Variants in DOCK1 observed in about 807,000 individuals in gnomAD.
DOCK1 encodes dedicator of cytokinesis protein 1.
In DOCK1, 138 loss-of-function variants were observed where a neutral mutation model predicts 262.7. The ratio of observed to expected loss-of-function variants is 0.53; its 90% CI spans 0.46 to 0.61. The LOEUF is 0.61. DOCK1 is among the 20% of genes least tolerant of loss of function. The pLI is 0.00. For synonymous variants in DOCK1, 866 were observed against 867.4 expected (o/e 1.00, Z 0.03); for missense variants, 1,908 against 2,370.7 (o/e 0.80, Z 4.05).
At chr10:127,002,997 C>T (rs1437397402) in intron 10 of DOCK1, among the ~76,000 whole-genome samples, 3 of 152,278 alleles carry the variant, frequency 2.0e-5, no homozygotes, top group African/African-American at 7.2e-5. Context: ...TGTCCCCCCT[C>T]ACTTAGGGGT....
intron 27 of DOCK1, among the ~76,000 whole-genome samples, chr10:127,247,659 TAGAG>T (rs2134779508): frequency 6.6e-6 from 1 of 152,338 alleles, no homozygotes; most frequent in African/African-American, 2.4e-5. Context: ...TATTAATAGT[TAGAG>T]AGAATAAAAT....
chr10:127,427,332 T>G (rs948974916), intron 47 of DOCK1, among the ~76,000 whole-genome samples: 1 of 152,204 alleles, frequency 6.6e-6, no homozygotes, highest in Non-Finnish European at 1.5e-5. Context: ...TTTGGTTTTT[T>G]TCTGGGCCCA....
At position 127,265,091 on chromosome 10, in the gene DOCK1, G is replaced by A. The variant is rs148957060; in HGVS notation, c.3044+7662G>A. Among the ~76,000 whole-genome samples, 12 of 152,306 alleles carry A rather than the reference G, an allele frequency of 7.9e-5. No homozygotes were observed. In the East Asian group the frequency reaches 9.7e-4, roughly 12 times the overall value. ...GATTATTCTCTCAGTTAGGAAATGCGTAAGATGTTACCAGTCAGCATGTTG... is the reference window on the plus strand; with the variant it reads ...GATTATTCTCTCAGTTAGGAAATGCATAAGATGTTACCAGTCAGCATGTTG... On this transcript the variant is annotated intron_variant, in intron 29 of 51. Transcript: ENST00000623213.
intron 21 of DOCK1, among the ~76,000 whole-genome samples, chr10:127,048,831 T>C (rs532391316): frequency 2.0e-5 from 3 of 152,182 alleles, no homozygotes; most frequent in East Asian, 1.9e-4. Flanking sequence ...ATAAAACCTC[T>C]TGGCAAACTA....
At chr10:127,427,604 A>G (rs2068904744) in intron 47 of DOCK1, among the ~76,000 whole-genome samples, 1 of 152,158 alleles carries the variant, frequency 6.6e-6, no homozygotes, top group African/African-American at 2.4e-5. Context: ...TGGCAGACCC[A>G]TGGTTCAAGC....
chr10:127,247,910 TC>T (rs145727249), intron 27 of DOCK1, 97 bp from the exon 28 acceptor site: 42,289 of 1,191,094 alleles, frequency 0.036, 951 homozygotes, highest in Non-Finnish European at 0.04. Flanking sequence ...CCGTTGCTTC[TC>T]CCTGACAGTT....
At chr10:127,444,068 A>C (rs978678425) in intron 49 of DOCK1, 58 bp from the exon 50 acceptor site, 2 of 1,543,562 alleles carry the variant, frequency 1.3e-6, no homozygotes, top group East Asian at 2.5e-5. Flanking sequence ...ATTTAGGTGG[A>C]AACGCAACTC....
At chr10:127,359,897 C>T (rs984469210) in intron 32 of DOCK1, among the ~76,000 whole-genome samples, 18 of 152,210 alleles carry the variant, frequency 1.2e-4, no homozygotes, top group African/African-American at 4.1e-4. Flanking sequence ...TTGGTTAATT[C>T]GGGATACATT....
At chr10:127,257,731 G>T (rs41315016) in intron 29 of DOCK1, 445 of 240,632 alleles carry the variant, frequency 1.8e-3, no homozygotes, top group Non-Finnish European at 3.1e-3. Flanking sequence ...ACGTCGCTCT[G>T]CGCTCTCATG....
intron 29 of DOCK1, among the ~76,000 whole-genome samples, chr10:127,289,586 G>A (rs1370638476): frequency 1.3e-5 from 2 of 152,120 alleles, no homozygotes; most frequent in East Asian, 1.9e-4. Flanking sequence ...AGAAATAAAC[G>A]AGCCTGCTTA....
At chr10:126,997,047 A>G (rs1591580940) in intron 7 of DOCK1, among the ~76,000 whole-genome samples, 164 bp downstream of exon 7, 1 of 152,144 alleles carries the variant, frequency 6.6e-6, no homozygotes, top group Non-Finnish European at 1.5e-5. Context: ...GCCTGGTGGC[A>G]CAGGATGTCA....
intron 47 of DOCK1, among the ~76,000 whole-genome samples, chr10:127,428,968 G>A (rs1476788674): frequency 7.4e-6 from 1 of 135,864 alleles, no homozygotes; most frequent in African/African-American, 2.8e-5. Context: ...TGTGGATTCG[G>A]GTACCATGTG....
At chr10:127,005,333 GA>G (rs150192399) in intron 10 of DOCK1, among the ~76,000 whole-genome samples, 26 of 144,942 alleles carry the variant, frequency 1.8e-4, no homozygotes, top group Admixed American at 1.2e-3. Flanking sequence ...CACTCAAAAA[GA>G]AAAAAAAAAG....
At chr10:127,203,742 C>T (rs2057581764) in intron 27 of DOCK1, among the ~76,000 whole-genome samples, 1 of 151,666 alleles carries the variant, frequency 6.6e-6, no homozygotes, top group African/African-American at 2.4e-5. Context: ...TCCCCGTGTC[C>T]AATTCACCTA....
At chr10:127,095,987 G>T (rs2047887967) in intron 23 of DOCK1, among the ~76,000 whole-genome samples, 1 of 152,184 alleles carries the variant, frequency 6.6e-6, no homozygotes, top group Non-Finnish European at 1.5e-5. Flanking sequence ...CGAAGCATTG[G>T]TGGTAGAGAT....
intron 27 of DOCK1, among the ~76,000 whole-genome samples, chr10:127,222,737 C>G (rs1371052314): frequency 6.6e-6 from 1 of 151,644 alleles, no homozygotes; most frequent in Non-Finnish European, 1.5e-5. Context: ...ATGATCGTGG[C>G]TCACTGCGGC....
intron 32 of DOCK1, among the ~76,000 whole-genome samples, chr10:127,361,281 T>C (rs1330947432): frequency 6.7e-6 from 1 of 149,508 alleles, no homozygotes; most frequent in African/African-American, 2.6e-5. Context: ...GCCCAGCTGA[T>C]TTTTTTGTAT....
intron 23 of DOCK1, among the ~76,000 whole-genome samples, chr10:127,072,683 C>T (rs996922398): frequency 2.0e-5 from 3 of 152,148 alleles, no homozygotes; most frequent in African/African-American, 7.2e-5. Context: ...GGTTGTGGAG[C>T]ATGAAGTAAT....
chr10:127,165,195 T>C (rs1339247285), intron 27 of DOCK1, among the ~76,000 whole-genome samples: 2 of 152,224 alleles, frequency 1.3e-5, no homozygotes, highest in African/African-American at 4.8e-5. Flanking sequence ...ATGGTAAATA[T>C]CCACAGAGTC....
Sources: allele counts gnomAD v4.1 joint callset (sites outside exome capture counted in the v4.1 genomes callset), GRCh38; gene constraint gnomAD v4.1.1; transcripts MANE v1.5; gene names NCBI Gene and HGNC (gene_info 2026-07-23, HGNC 2026-07-21).